The following FAT3 variants were observed in gnomAD, a reference collection of about 807,000 sequenced individuals.
FAT3 encodes the protein protocadherin Fat 3.
Under a neutral mutation model 310.2 loss-of-function variants are expected in FAT3, and 95 were observed. The ratio of observed to expected loss-of-function variants is 0.31; its 90% confidence interval spans 0.26 to 0.36. The LOEUF is 0.36. FAT3 is among the 10% of genes least tolerant of loss of function. The pLI is 1.00. For missense variants in FAT3, 5,408 were observed against 5,715.6 expected (o/e 0.95, Z 1.74); for synonymous variants, 2,314 against 2,192.9 (o/e 1.06, Z -1.54).
At chr11:92,807,394 A>G (rs1005198510) in intron 12 of FAT3, among the ~76,000 whole-genome samples, 1 of 152,138 alleles carries the variant, frequency 6.6e-6, no homozygotes, top group Non-Finnish European at 1.5e-5. Flanking sequence ...AATTGTAGGG[A>G]CATATCCAAA....
chr11:92,386,122 A>G (rs1445728602), intron 2 of FAT3, among the ~76,000 whole-genome samples: 1 of 152,124 alleles, frequency 6.6e-6, no homozygotes, highest in African/African-American at 2.4e-5. Flanking sequence ...CTATGCTGGA[A>G]AGAAAGAAAG....
intron 2 of FAT3, among the ~76,000 whole-genome samples, chr11:92,432,745 C>G (rs958203005): frequency 6.6e-6 from 1 of 152,182 alleles, no homozygotes; most frequent in Non-Finnish European, 1.5e-5. Context: ...GGCAGCCTGT[C>G]CCTTAGCTCG....
intron 1 of FAT3, among the ~76,000 whole-genome samples, chr11:92,301,990 T>G (rs1947009841): frequency 6.6e-6 from 1 of 152,090 alleles, no homozygotes; most frequent in Non-Finnish European, 1.5e-5. Flanking sequence ...AGGGGTTAAC[T>G]GCTGAAACTC....
intron 4 of FAT3, among the ~76,000 whole-genome samples, chr11:92,734,041 A>T (rs1454996760): frequency 4.6e-5 from 7 of 152,242 alleles, no homozygotes; most frequent in Non-Finnish European, 7.3e-5. Flanking sequence ...TAACTCTGTT[A>T]TGATAAATTG....
intron 4 of FAT3, among the ~76,000 whole-genome samples, chr11:92,715,241 TAAA>T (rs760806391): frequency 6.9e-5 from 8 of 116,284 alleles, no homozygotes; most frequent in Admixed American, 1.8e-4. Context: ...CCGTCTCCAC[TAAA>T]AAAAAAAAAA....
In FAT3 at chr11:92,895,564, T is replaced by TATGTACTG. The variant is rs1389481440; in HGVS notation, c.*4452_*4459dup. 9 of 152,210 alleles carry TATGTACTG rather than the reference T, an allele frequency of 5.9e-5. No homozygotes were observed. The highest frequency in any genetic ancestry group is 4.6e-4 in the Admixed American group (7 of 15,288). The allele number at this position is 152,210 out of a possible 1,614,324, so 9.4% of individuals were successfully genotyped here. Reference sequence around the variant, plus strand: ...TTTGGAGCGTGTTTGGACCAATTAGTATGTACTGTAGTACCCTTCTGGCAA... The same window carrying TATGTACTG: ...TTTGGAGCGTGTTTGGACCAATTAGTATGTACTGATGTACTGTAGTACCCTTCTGGCAA... On this transcript the variant is annotated 3_prime_UTR_variant, in exon 28 of 28. Transcript: ENST00000525166.
intron 1 of FAT3, among the ~76,000 whole-genome samples, chr11:92,315,830 A>G (rs1457665367): frequency 2.6e-5 from 4 of 151,960 alleles, no homozygotes; most frequent in African/African-American, 9.7e-5. Context: ...TCCAATCATA[A>G]TTTTTAAATA....
rs180758107 is a variant in FAT3, at chr11:92,866,592, T to C, written c.11659-149T>C. On this transcript the variant is annotated intron_variant, in intron 21 of 27. Transcript: ENST00000525166. ...AAGGGGGAGGCACAGTGGTTAAAAA[T>C]CAAACCACAACAGATTTATGAGTAG... 565 of 701,922 alleles carry C rather than the reference T, an allele frequency of 8.0e-4. 7 individuals are homozygous for C. The African/African-American group carries it at 9.1e-3, about 11-fold the overall frequency. 43.5% of individuals were successfully genotyped at this position (701,922 alleles called of 1,614,324 possible). A position where few individuals can be genotyped will look rare whatever the true frequency, so the allele number is the denominator to read the frequency against.
intron 4 of FAT3, among the ~76,000 whole-genome samples, chr11:92,740,286 C>T (rs955487103): frequency 1.3e-5 from 2 of 152,168 alleles, no homozygotes; most frequent in Non-Finnish European, 2.9e-5. Context: ...TTTACAGATA[C>T]ACAACTGAGT....
chr11:92,335,937 A>C (rs978939989), intron 1 of FAT3: 10 of 357,344 alleles, frequency 2.8e-5, no homozygotes, highest in Non-Finnish European at 5.4e-5. Flanking sequence ...ACTCCTATGG[A>C]TTTTTTTTTC....
chr11:92,659,128 A>G (rs1469004780), intron 3 of FAT3, among the ~76,000 whole-genome samples: 1 of 152,154 alleles, frequency 6.6e-6, no homozygotes, highest in African/African-American at 2.4e-5. Flanking sequence ...AGGCATTTTT[A>G]TGTAACCTTG....
At chr11:92,417,213 T>G (rs561506541) in intron 2 of FAT3, among the ~76,000 whole-genome samples, 9 of 152,310 alleles carry the variant, frequency 5.9e-5, no homozygotes, top group Middle Eastern at 3.4e-3. Context: ...TTATGCAAGT[T>G]TTTTCTAAAT....
intron 2 of FAT3, among the ~76,000 whole-genome samples, chr11:92,459,866 T>C (rs1310342604): frequency 2.0e-5 from 3 of 152,132 alleles, no homozygotes; most frequent in Non-Finnish European, 4.4e-5. Flanking sequence ...TTTCAAATGC[T>C]AGTTGATCTT....
At chr11:92,461,508 G>A (rs1438849492) in intron 2 of FAT3, among the ~76,000 whole-genome samples, 3 of 152,136 alleles carry the variant, frequency 2.0e-5, no homozygotes, top group South Asian at 4.1e-4. Flanking sequence ...GAAAACAAGG[G>A]TGGGTATGGT....
At chr11:92,738,240 A>T (rs1417430200) in intron 4 of FAT3, among the ~76,000 whole-genome samples, 4 of 152,140 alleles carry the variant, frequency 2.6e-5, no homozygotes, top group Non-Finnish European at 5.9e-5. Flanking sequence ...TGAGAAGAGA[A>T]CTCAATAATA....
At chr11:92,831,147 A>G (rs751325720) in intron 13 of FAT3, among the ~76,000 whole-genome samples, 6 of 152,164 alleles carry the variant, frequency 3.9e-5, no homozygotes, top group Non-Finnish European at 7.3e-5. Context: ...CACCACCACT[A>G]CAGCCCCACT....
chr11:92,633,570 T>C (rs1440838003), intron 3 of FAT3, among the ~76,000 whole-genome samples: 1 of 152,106 alleles, frequency 6.6e-6, no homozygotes, highest in East Asian at 1.9e-4. Context: ...ACACGGGGAT[T>C]GGGATAAAAA....
intron 8 of FAT3, among the ~76,000 whole-genome samples, 168 bp downstream of exon 8, chr11:92,790,386 A>G (rs141689917): frequency 2.0e-5 from 3 of 152,208 alleles, no homozygotes; most frequent in African/African-American, 7.2e-5. Flanking sequence ...ATGAAGAATT[A>G]CTGTTGTTAG....
chr11:92,624,561 A>G (rs1475352259), intron 3 of FAT3, among the ~76,000 whole-genome samples: 2 of 152,196 alleles, frequency 1.3e-5, no homozygotes, highest in African/African-American at 4.8e-5. Flanking sequence ...GGCCTTTGCT[A>G]GTGATCCATG....
Sources: gnomAD v4.1 joint callset for allele counts (sites outside exome capture counted in the v4.1 genomes callset) on GRCh38, gnomAD v4.1.1 for gene constraint, MANE v1.5 for transcripts, NCBI Gene and HGNC (gene_info 2026-07-23, HGNC 2026-07-21) for gene names.